The following SESTD1 variants were observed in gnomAD, a reference collection of about 807,000 sequenced individuals.
SESTD1 encodes SEC14 domain and spectrin repeat-containing protein 1.
In SESTD1, 43 loss-of-function variants were observed where a neutral mutation model predicts 101.7. That is an observed-to-expected ratio of 0.42 (90% confidence interval 0.33 to 0.55). SESTD1 has a LOEUF of 0.55. Ranked by LOEUF, SESTD1 falls within the 20% of genes least tolerant of loss-of-function variation. The probability of loss-of-function intolerance (pLI) is 0.07; values close to 1 mark genes in which losing one functional copy is unlikely to be tolerated. For synonymous variants in SESTD1, 283 were observed against 286.8 expected, an observed-to-expected ratio of 0.99 and a Z score of 0.13; for missense variants, 647 against 815.1, an observed-to-expected ratio of 0.79 and a Z score of 2.51.
intron 1 of SESTD1, among the ~76,000 whole-genome samples, chr2:179,196,571 G>A (rs748530505): frequency 4.6e-5 from 7 of 152,232 alleles, no homozygotes; most frequent in Non-Finnish European, 7.3e-5. Context: ...TGACAGCTTT[G>A]AAGACAGCAG....
chr2:179,191,286 T>G (rs2046316022), intron 2 of SESTD1, among the ~76,000 whole-genome samples: 1 of 152,160 alleles, frequency 6.6e-6, no homozygotes, highest in Non-Finnish European at 1.5e-5. Context: ...ACAACATGGA[T>G]GCAGCCAGAG....
At chr2:179,159,126 A>T (rs894959833) in intron 5 of SESTD1, among the ~76,000 whole-genome samples, 2 of 152,210 alleles carry the variant, frequency 1.3e-5, no homozygotes, top group African/African-American at 4.8e-5. Context: ...GAAACATCTT[A>T]TTCTATGCAT....
chr2:179,141,774 T>C (rs1414803114), intron 9 of SESTD1, among the ~76,000 whole-genome samples: 3 of 152,122 alleles, frequency 2.0e-5, no homozygotes, highest in Admixed American at 2.0e-4. Context: ...CAGAATATGA[T>C]TTTTGTACTG....
chr2:179,263,198 C>CGT, intron 1 of SESTD1, among the ~76,000 whole-genome samples: 1 of 152,032 alleles, frequency 6.6e-6, no homozygotes, highest in Admixed American at 6.6e-5. Context: ...AGTCATGGGG[C>CGT]AAAGTATTAC....
At chr2:179,146,186 C>A (rs926638741) in intron 8 of SESTD1, among the ~76,000 whole-genome samples, 1 of 152,074 alleles carries the variant, frequency 6.6e-6, no homozygotes, top group African/African-American at 2.4e-5. Context: ...AACCTAATGC[C>A]TGATGATCTG....
chr2:179,170,122 C>T (rs2045904781), intron 5 of SESTD1, among the ~76,000 whole-genome samples: 1 of 150,964 alleles, frequency 6.6e-6, no homozygotes, highest in Non-Finnish European at 1.5e-5. Context: ...TCTTTGTGAC[C>T]TTGAGTAAGG....
At chr2:179,117,684 G>T in intron 13 of SESTD1, 71 bp from the exon 14 acceptor site, 2 of 1,239,784 alleles carry the variant, frequency 1.6e-6, no homozygotes, top group South Asian at 1.7e-5. Context: ...ATCATCATTT[G>T]GTACATGTAT....
intron 9 of SESTD1, among the ~76,000 whole-genome samples, chr2:179,136,288 G>C (rs2045143098): frequency 6.6e-6 from 1 of 152,098 alleles, no homozygotes; most frequent in Non-Finnish European, 1.5e-5. Context: ...ATAATTGTTA[G>C]CCTCTATGCT....
At chr2:179,152,400 A>C (rs1371319083) in intron 5 of SESTD1, among the ~76,000 whole-genome samples, 1 of 152,178 alleles carries the variant, frequency 6.6e-6, no homozygotes. Context: ...ATTATGGCAA[A>C]AATTATGTGA....
chr2:179,136,215 G>A (rs548634480), intron 9 of SESTD1, among the ~76,000 whole-genome samples: 1 of 152,290 alleles, frequency 6.6e-6, no homozygotes, highest in South Asian at 2.1e-4. Context: ...GATACCTACA[G>A]TACAGGGCTG....
In SESTD1 at chr2:179,102,308, GT is replaced by G. The variant is rs1281544439; in HGVS notation, c.*7590del. The G allele has an allele frequency of 6.6e-6, 1 of 152,078 alleles. No homozygotes were observed. The highest frequency in any genetic ancestry group is 2.4e-5 in the African/African-American group (1 of 41,406). 9.4% of individuals were successfully genotyped at this position (152,078 alleles called of 1,614,324 possible). A position where few individuals can be genotyped will look rare whatever the true frequency, so the allele number is the denominator to read the frequency against. On this transcript the variant is annotated 3_prime_UTR_variant, in exon 18 of 18. Transcript: ENST00000428443. ...AGTTACATTTTTGATTTAATGAAAG[GT>G]TTTAGGTAACACTGTTAGAAACAAT...
intron 5 of SESTD1, among the ~76,000 whole-genome samples, chr2:179,163,973 GAA>G (rs1331190952): frequency 1.3e-5 from 2 of 152,060 alleles, no homozygotes; most frequent in Non-Finnish European, 2.9e-5. Flanking sequence ...ACCTACCACT[GAA>G]ACTTGCATTT....
At chr2:179,252,027 A>G (rs746475059) in intron 1 of SESTD1, among the ~76,000 whole-genome samples, 3 of 152,242 alleles carry the variant, frequency 2.0e-5, no homozygotes, top group Non-Finnish European at 4.4e-5. Context: ...ATCTGATGTC[A>G]GCAAAGTATT....
At chr2:179,172,079 T>G (rs1297026978) in intron 5 of SESTD1, 41 bp downstream of exon 5, 5 of 1,289,810 alleles carry the variant, frequency 3.9e-6, no homozygotes, top group Non-Finnish European at 5.6e-6. Context: ...AATACTATTT[T>G]TAAAGATATA....
chr2:179,103,420 C>T lies in SESTD1; in HGVS notation c.*6479G>A, dbSNP rs2044314772. On this transcript the variant is annotated 3_prime_UTR_variant, in exon 18 of 18. Transcript: ENST00000428443. ...CTTTTAAAACTACCCTGTGACCCAG[C>T]AATTCTAATCCAAGGAATTTACTGC... The T allele has an allele frequency of 6.6e-6, 1 of 152,070 alleles. No homozygotes were observed. The highest frequency in any genetic ancestry group is 2.4e-5 in the African/African-American group (1 of 41,432). 9.4% of individuals were successfully genotyped at this position (152,070 alleles called of 1,614,324 possible). A position where few individuals can be genotyped will look rare whatever the true frequency, so the allele number is the denominator to read the frequency against.
Position 179,123,668 on chromosome 2 carries a change from T to A in SESTD1, c.1282+47A>T, listed in dbSNP as rs199533052. 2.6e-4 allele frequency: 261 copies of A among 987,972 alleles called. 1 individual carries two copies. Among genetic ancestry groups the A allele is most frequent in the Non-Finnish European group, 3.2e-4 (216 of 685,194 alleles). 61.2% of individuals were successfully genotyped at this position (987,972 alleles called of 1,614,324 possible). On this transcript the variant is annotated intron_variant, in intron 12 of 17. Coordinates refer to ENST00000428443, the MANE Select transcript of SESTD1 (RefSeq NM_178123.5). ...ATTGTCTAACCATGGTAATGATATT[T>A]AAAAAAAAAAAAACCTTATGTTTCA...
At position 179,171,522 on chromosome 2, in the gene SESTD1, A is replaced by G. The variant is rs907344863; in HGVS notation, c.369+598T>C. On this transcript the variant is annotated intron_variant, in intron 5 of 17. Coordinates refer to ENST00000428443, the MANE Select transcript of SESTD1 (RefSeq NM_178123.5). ...TTCCCACACTTTATTTAGACAATGT[A>G]AAGTCTGTTATTTATCAACTCTCCT... 8.1e-4 allele frequency among the ~76,000 whole-genome samples: 124 copies of G among 152,306 alleles called. 3 individuals carry two copies. The highest frequency in any genetic ancestry group is 1.2e-4 in the Non-Finnish European group (8 of 68,014).
intron 3 of SESTD1, among the ~76,000 whole-genome samples, chr2:179,181,431 AAAGATAAT>A (rs2046107357): frequency 2.0e-5 from 3 of 152,328 alleles, no homozygotes; most frequent in South Asian, 4.1e-4. Context: ...ATGTTCATGG[AAAGATAAT>A]ACAGTCTCTG....
intron 13 of SESTD1, among the ~76,000 whole-genome samples, chr2:179,120,284 A>G (rs2044720809): frequency 6.6e-6 from 1 of 152,162 alleles, no homozygotes. Context: ...TTTTATAGCA[A>G]TGCAAGAATG....
Sources: allele counts gnomAD v4.1 joint callset (sites outside exome capture counted in the v4.1 genomes callset), GRCh38; gene constraint gnomAD v4.1.1; transcripts MANE v1.5; gene names NCBI Gene and HGNC (gene_info 2026-07-23, HGNC 2026-07-21).